ITPKB: variants seen among roughly 807,000 people sequenced by gnomAD.
ITPKB encodes the protein inositol-trisphosphate 3-kinase B, also known as IP3 3-kinase B.
ITPKB carries 13 observed loss-of-function variants against 69.4 expected under a neutral mutation model. The ratio of observed to expected loss-of-function variants is 0.19; its 90% confidence interval spans 0.12 to 0.30. ITPKB has a LOEUF of 0.30. ITPKB is among the 10% of genes least tolerant of loss of function. ITPKB has a pLI of 1.00. For missense variants in ITPKB, 1,240 were observed against 1,250.5 expected, an observed-to-expected ratio of 0.99 and a Z score of 0.13; for synonymous variants, 584 against 513.7, an observed-to-expected ratio of 1.14 and a Z score of -1.85.
At chr1:226,731,523 C>T (rs1406161204) in intron 2 of ITPKB, among the ~76,000 whole-genome samples, 1 of 152,192 alleles carries the variant, frequency 6.6e-6, no homozygotes, top group African/African-American at 2.4e-5. Flanking sequence ...AAACACTAGG[C>T]TTTAAATCAG....
rs1415456109 is a variant in ITPKB, at chr1:226,738,432, C to G, written c.-206+609G>C. ...TACCGGAACCAGTACTTGCTGCCCC[C>G]CTGCCGTCGTCCCCTATGGGGGGGT... On this transcript the variant is annotated intron_variant, in intron 1 of 7. Transcript: ENST00000429204. This position sits in a 1 kb window ranked among gnomAD's most constrained non-coding sequence, Gnocchi z 4.2. Among the ~76,000 whole-genome samples the G allele has an allele frequency of 6.6e-6, 1 of 152,220 alleles. No homozygotes were observed. Among genetic ancestry groups the G allele is most frequent in the Non-Finnish European group, 1.5e-5 (1 of 68,034 alleles).
chr1:226,715,656 A>C (rs1004813060), intron 2 of ITPKB, among the ~76,000 whole-genome samples: 18 of 152,212 alleles, frequency 1.2e-4, no homozygotes, highest in Admixed American at 6.5e-5. Flanking sequence ...ATGTAACAAG[A>C]GGTTTTTGTA....
intron 2 of ITPKB, among the ~76,000 whole-genome samples, chr1:226,691,540 C>A (rs985142578): frequency 6.6e-6 from 1 of 152,206 alleles, no homozygotes; most frequent in Admixed American, 6.5e-5. Flanking sequence ...TGAGCAGCCG[C>A]ATCCCCTCCC....
Position 226,699,354 on chromosome 1 carries a change from C to A in ITPKB, c.1932+36173G>T, listed in dbSNP as rs1179440475. On this transcript the variant is annotated intron_variant, in intron 2 of 7. Coordinates refer to ENST00000429204, the MANE Select transcript of ITPKB (RefSeq NM_002221.4). The stretch of plus-strand genomic sequence containing the variant: ...GGCTGCTGACGACACGGTCAGATTC[C>A]CCAGTGCGTGAGCCTATACTACAGC... Among the ~76,000 whole-genome samples, 14 of 152,220 alleles carry A rather than the reference C, an allele frequency of 9.2e-5. No individual in the cohort carries two copies. The East Asian group carries it at 2.5e-3, about 27-fold the overall frequency.
At chr1:226,693,032 A>C (rs2102782339) in intron 2 of ITPKB, among the ~76,000 whole-genome samples, 1 of 152,290 alleles carries the variant, frequency 6.6e-6, no homozygotes, top group Non-Finnish European at 1.5e-5. Flanking sequence ...GATGGTAATA[A>C]GGTTCGGCTG....
At chr1:226,730,383 G>A (rs887480613) in intron 2 of ITPKB, among the ~76,000 whole-genome samples, 1 of 152,146 alleles carries the variant, frequency 6.6e-6, no homozygotes, top group Non-Finnish European at 1.5e-5. Context: ...GTTCATAGTT[G>A]GGTTTGGTGT....
At chr1:226,669,493 G>T (rs537924430) in intron 2 of ITPKB, among the ~76,000 whole-genome samples, 1 of 152,076 alleles carries the variant, frequency 6.6e-6, no homozygotes, top group East Asian at 1.9e-4. Context: ...CAGAAGGTGA[G>T]TCTTCTGGAA....
intron 2 of ITPKB, among the ~76,000 whole-genome samples, chr1:226,732,303 A>G (rs781548995): frequency 1.3e-5 from 2 of 152,150 alleles, no homozygotes; most frequent in East Asian, 3.8e-4. Flanking sequence ...CAGTGGTACA[A>G]TCTCGCCTCA....
chr1:226,650,331 C>T (rs1414794929), intron 2 of ITPKB, among the ~76,000 whole-genome samples: 2 of 152,194 alleles, frequency 1.3e-5, no homozygotes, highest in Admixed American at 6.5e-5. Flanking sequence ...AAACTCTCAC[C>T]CCACCGCCAA....
intron 2 of ITPKB, among the ~76,000 whole-genome samples, chr1:226,651,316 G>C (rs531934660): frequency 1.3e-5 from 2 of 152,324 alleles, no homozygotes; most frequent in South Asian, 4.1e-4. Context: ...CTGGGCCCGA[G>C]TCCCGGCTCC....
chr1:226,636,144 A>C (rs1668833551), intron 7 of ITPKB, among the ~76,000 whole-genome samples: 2 of 152,224 alleles, frequency 1.3e-5, no homozygotes, highest in South Asian at 4.1e-4. Flanking sequence ...TTTGAGACAG[A>C]GCTCTGTGGC....
At chr1:226,709,273 AC>A (rs1391166345) in intron 2 of ITPKB, among the ~76,000 whole-genome samples, 2 of 152,080 alleles carry the variant, frequency 1.3e-5, no homozygotes, top group African/African-American at 2.4e-5. Flanking sequence ...TTCTGGCTGC[AC>A]CCCCTCCCTG....
Position 226,739,282 on chromosome 1 carries a change from C to T in ITPKB, c.-447G>A, listed in dbSNP as rs1212215352. 1 of 148,666 alleles carries T rather than the reference C, an allele frequency of 6.7e-6. No homozygotes were observed. Among genetic ancestry groups the T allele is most frequent in the Non-Finnish European group, 1.5e-5 (1 of 67,622 alleles). 9.2% of individuals were successfully genotyped at this position (148,666 alleles called of 1,614,324 possible). On this transcript the variant is annotated 5_prime_UTR_variant, in exon 1 of 8. Transcript: ENST00000429204. The stretch of plus-strand genomic sequence containing the variant: ...CCTTTTCGACCGTGGAGATACTGCC[C>T]CTGTCAGTGTCTGCTCCGGGCTACT...
At chr1:226,714,247 A>C (rs191726392) in intron 2 of ITPKB, among the ~76,000 whole-genome samples, 93 of 152,364 alleles carry the variant, frequency 6.1e-4, no homozygotes, top group South Asian at 1.4e-3. Flanking sequence ...TCTGGAATGT[A>C]GCTTTACAAG....
intron 2 of ITPKB, among the ~76,000 whole-genome samples, chr1:226,722,538 A>G (rs1657274090): frequency 2.0e-5 from 3 of 152,170 alleles, no homozygotes. Flanking sequence ...GCTGCTCCAT[A>G]TGGCTTTACC....
intron 5 of ITPKB, among the ~76,000 whole-genome samples, chr1:226,640,036 G>C (rs1051543653): frequency 4.3e-4 from 66 of 152,118 alleles, no homozygotes; most frequent in African/African-American, 1.6e-3. Context: ...TCTGGGGCCC[G>C]GGCCCTGGAA....
intron 2 of ITPKB, among the ~76,000 whole-genome samples, chr1:226,691,836 T>C (rs543106071): frequency 6.6e-6 from 1 of 152,254 alleles, no homozygotes; most frequent in African/African-American, 2.4e-5. Flanking sequence ...TACCCCAAGC[T>C]AATAGCAAAT....
At chr1:226,700,465 CAAAAAAAAAAAAAAAA>C (rs58320585) in intron 2 of ITPKB, among the ~76,000 whole-genome samples, 9 of 53,944 alleles carry the variant, frequency 1.7e-4, no homozygotes, top group African/African-American at 2.6e-4. Context: ...AAGACTCCGT[CAAAAAAAAAAAAAAAA>C]AAAAAAAAAA....
chr1:226,722,992 T>A (rs1388368745), intron 2 of ITPKB, among the ~76,000 whole-genome samples: 1 of 150,422 alleles, frequency 6.6e-6, no homozygotes, highest in Non-Finnish European at 1.5e-5. Context: ...ATTTCACACA[T>A]CCTGTGTGTA....
Sources: allele counts gnomAD v4.1 joint callset (sites outside exome capture counted in the v4.1 genomes callset), GRCh38; gene constraint gnomAD v4.1.1; non-coding constraint Gnocchi (gnomAD v3.1); transcripts MANE v1.5; gene names NCBI Gene and HGNC (gene_info 2026-07-23, HGNC 2026-07-21).